CSMD1: variants seen among roughly 807,000 people sequenced by gnomAD.
CSMD1 encodes the protein CUB and sushi domain-containing protein 1.
Under a neutral mutation model 417.5 loss-of-function variants are expected in CSMD1, and 213 were observed. That is an observed-to-expected ratio of 0.51 (90% CI 0.46 to 0.57). The LOEUF is 0.57. Among genes scored for constraint, CSMD1 ranks in the 20% least tolerant of loss-of-function variants. CSMD1 has a pLI of 0.00. For missense variants in CSMD1, 6,923 were observed against 4,529.7 expected, an observed-to-expected ratio of 1.53 and a Z score of -15.17; for synonymous variants, 2,862 against 1,736.8, an observed-to-expected ratio of 1.65 and a Z score of -16.11.
rs564318353 is a variant in CSMD1, at chr8:3,556,412, T to C, written c.1344+18533A>G. ...TAATTAATATATATATATATATATA[T>C]ATTCACACACACAAAGAATTTATGA... On this transcript the variant is annotated intron_variant, in intron 10 of 69. Transcript: ENST00000635120. Among the ~76,000 whole-genome samples, 214 of 134,602 alleles carry C rather than the reference T, an allele frequency of 1.6e-3. 9 individuals are homozygous for C. Among genetic ancestry groups the C allele is most frequent in the African/African-American group, 6.9e-3 (205 of 29,868 alleles). 88.3% of individuals were successfully genotyped at this position (134,602 alleles called of 152,430 possible).
intron 10 of CSMD1, among the ~76,000 whole-genome samples, chr8:3,545,487 T>A (rs76472510): frequency 0.011 from 1,713 of 152,254 alleles, 28 homozygotes; most frequent in African/African-American, 0.039. Flanking sequence ...CTACAGACAA[T>A]TTTGAAGAGG....
At chr8:3,652,537 G>T (rs887874185) in intron 7 of CSMD1, among the ~76,000 whole-genome samples, 3 of 152,184 alleles carry the variant, frequency 2.0e-5, no homozygotes, top group Non-Finnish European at 4.4e-5. Context: ...GCATGGCTGG[G>T]GAGGCCTCAC....
chr8:4,473,188 G>T (rs942953447), intron 2 of CSMD1, among the ~76,000 whole-genome samples: 1 of 151,954 alleles, frequency 6.6e-6, no homozygotes, highest in Non-Finnish European at 1.5e-5. Context: ...AACCAATGAC[G>T]ACTTAAAATT....
At chr8:3,909,201 G>A (rs959075808) in intron 5 of CSMD1, among the ~76,000 whole-genome samples, 2 of 152,192 alleles carry the variant, frequency 1.3e-5, no homozygotes, top group African/African-American at 4.8e-5. Context: ...GGATGTGACA[G>A]GCTGAGACAG....
intron 3 of CSMD1, among the ~76,000 whole-genome samples, chr8:4,142,468 C>A (rs1379367642): frequency 6.6e-6 from 1 of 151,220 alleles, no homozygotes; most frequent in Non-Finnish European, 1.5e-5. Flanking sequence ...GAATAATCTA[C>A]CTTGTTATTT....
intron 54 of CSMD1, among the ~76,000 whole-genome samples, chr8:2,984,941 A>C (rs990186449): frequency 1.3e-5 from 2 of 152,246 alleles, no homozygotes; most frequent in Non-Finnish European, 1.5e-5. Context: ...AACTTAAAAA[A>C]TACATTGAAA....
chr8:3,925,687 G>C lies in CSMD1; in HGVS notation c.818+72216C>G, dbSNP rs545475235. 1.3e-3 allele frequency among the ~76,000 whole-genome samples: 190 copies of C among 151,876 alleles called. 2 individuals carry two copies. Among genetic ancestry groups the C allele is most frequent in the Middle Eastern group, 0.01 (3 of 294 alleles). Reference sequence around the variant, plus strand: ...TTTGCCTCCTCCTCATTTTTCTCTTGCCACCACCACGTAAGAAGTGCCTGT... The same window carrying C: ...TTTGCCTCCTCCTCATTTTTCTCTTCCCACCACCACGTAAGAAGTGCCTGT... On this transcript the variant is annotated intron_variant, in intron 5 of 69. Transcript: ENST00000635120.
intron 5 of CSMD1, 60 bp downstream of exon 5, chr8:3,997,842 TG>T (rs1182560462): frequency 7.5e-5 from 106 of 1,412,624 alleles, no homozygotes; most frequent in Middle Eastern, 1.8e-4. Context: ...TGAAGCTCGT[TG>T]GGGGAAAAAA....
At chr8:3,448,662 C>G (rs1016578599) in intron 12 of CSMD1, among the ~76,000 whole-genome samples, 1 of 151,994 alleles carries the variant, frequency 6.6e-6, no homozygotes, top group Non-Finnish European at 1.5e-5. Flanking sequence ...TGAGTGGAGG[C>G]CAAGTGGGCA....
chr8:3,269,496 A>T (rs568684545), intron 26 of CSMD1, among the ~76,000 whole-genome samples: 58 of 152,356 alleles, frequency 3.8e-4, no homozygotes, highest in African/African-American at 1.3e-3. Flanking sequence ...TTTTAAAATG[A>T]AAATGCACCT....
rs1232085980 is a variant in CSMD1, at chr8:4,097,289, T to G, written c.416-65190A>C. 2.0e-5 allele frequency among the ~76,000 whole-genome samples: 3 copies of G among 152,198 alleles called. No individual in the cohort carries two copies. In the East Asian group the frequency reaches 5.8e-4, roughly 29 times the overall value. ...CTAGATTACAGTCTAAGCTCTGTCT[T>G]ATAAAATGGGTGATACTGAAACACT... On this transcript the variant is annotated intron_variant, in intron 3 of 69. Coordinates refer to ENST00000635120, the MANE Select transcript of CSMD1 (RefSeq NM_033225.6).
At chr8:3,895,325 T>A (rs10866960) in intron 5 of CSMD1, among the ~76,000 whole-genome samples, 1 of 151,980 alleles carries the variant, frequency 6.6e-6, no homozygotes, top group East Asian at 1.9e-4. Context: ...AACATAGATT[T>A]ATGTTTGGAG....
chr8:4,552,213 G>C (rs1186070776), intron 2 of CSMD1, among the ~76,000 whole-genome samples: 1 of 152,040 alleles, frequency 6.6e-6, no homozygotes, highest in Non-Finnish European at 1.5e-5. Flanking sequence ...ATGTAGCTTG[G>C]TCTCAATGTG....
intron 7 of CSMD1, among the ~76,000 whole-genome samples, chr8:3,684,964 C>A (rs897645841): frequency 6.6e-6 from 1 of 152,208 alleles, no homozygotes; most frequent in East Asian, 1.9e-4. Flanking sequence ...TTGGAATAAC[C>A]TGTGGTAGGA....
intron 54 of CSMD1, among the ~76,000 whole-genome samples, chr8:2,988,027 C>T (rs1487568711): frequency 6.6e-6 from 1 of 152,164 alleles, no homozygotes; most frequent in Non-Finnish European, 1.5e-5. Flanking sequence ...GCTATTTTTC[C>T]TAAAACCTAT....
chr8:3,290,914 G>A (rs1256360681), intron 25 of CSMD1, among the ~76,000 whole-genome samples: 3 of 152,114 alleles, frequency 2.0e-5, no homozygotes, highest in African/African-American at 4.8e-5. Context: ...TGTTTTCAAA[G>A]GGAATGCTTC....
At chr8:4,812,182 A>G (rs1353473961) in intron 1 of CSMD1, among the ~76,000 whole-genome samples, 1 of 152,190 alleles carries the variant, frequency 6.6e-6, no homozygotes, top group African/African-American at 2.4e-5. Flanking sequence ...AGCGAGATAA[A>G]CACAGCTGTC....
chr8:3,239,212 G>T (rs113671557), intron 26 of CSMD1, among the ~76,000 whole-genome samples: 11 of 152,132 alleles, frequency 7.2e-5, no homozygotes, highest in African/African-American at 2.7e-4. Context: ...ACTGAGGAGC[G>T]TAAGGGATAT....
chr8:3,730,317 A>C (rs1272734112), intron 6 of CSMD1, among the ~76,000 whole-genome samples: 1 of 152,026 alleles, frequency 6.6e-6, no homozygotes, highest in East Asian at 1.9e-4. Context: ...TCATGTAGAT[A>C]AATGAACACA....
Sources: allele counts gnomAD v4.1 joint callset (sites outside exome capture counted in the v4.1 genomes callset), GRCh38; gene constraint gnomAD v4.1.1; transcripts MANE v1.5; gene names NCBI Gene and HGNC (gene_info 2026-07-23, HGNC 2026-07-21).